LCORL: variants seen among roughly 807,000 people sequenced by gnomAD.
The protein encoded by LCORL is ligand dependent nuclear receptor corepressor like.
Under a neutral mutation model 141.8 loss-of-function variants are expected in LCORL, and 41 were observed. That is an observed-to-expected ratio of 0.29 (90% CI 0.23 to 0.38). LCORL has a LOEUF of 0.38. Ranked by LOEUF, LCORL falls within the 10% of genes least tolerant of loss-of-function variation. LCORL has a pLI of 1.00. For synonymous variants in LCORL, 618 were observed against 694.1 expected, an observed-to-expected ratio of 0.89 and a Z score of 1.72; for missense variants, 1,759 against 2,035.0, an observed-to-expected ratio of 0.86 and a Z score of 2.61.
At chr4:17,966,715 GAACTAC>G (rs1370395745) in intron 2 of LCORL, among the ~76,000 whole-genome samples, 19 of 152,240 alleles carry the variant, frequency 1.2e-4, no homozygotes, top group Admixed American at 9.8e-4. Context: ...TGTCATTAGG[GAACTAC>G]AAATTAAGGC....
chr4:17,971,950 G>A (rs1194338919), intron 2 of LCORL, among the ~76,000 whole-genome samples: 1 of 151,182 alleles, frequency 6.6e-6, no homozygotes, highest in Non-Finnish European at 1.5e-5. Context: ...AGCAGGTCAC[G>A]CCTAATAAGA....
chr4:17,874,340 G>T, exon 7 of LCORL: 1 of 1,233,892 alleles, frequency 8.1e-7, no homozygotes, highest in African/African-American at 1.5e-5. Context: ...TTCTGAAGGG[G>T]CTGGCATTAA....
At chr4:17,890,786 T>C (rs1454931597) in intron 5 of LCORL, among the ~76,000 whole-genome samples, 2 of 152,084 alleles carry the variant, frequency 1.3e-5, no homozygotes, top group Admixed American at 6.5e-5. Context: ...ATTGAAGTCA[T>C]GGCCACATTG....
Position 17,874,558 on chromosome 4 carries a change from T to A in LCORL, c.4432A>T (p.Ser1478Cys), listed in dbSNP as rs188484228. 62 of 1,233,684 alleles carry A rather than the reference T, an allele frequency of 5.0e-5. No homozygotes were observed. The East Asian group carries it at 1.5e-3, about 29-fold the overall frequency. The allele number at this position is 1,233,684 out of a possible 1,614,324, so 76.4% of individuals were successfully genotyped here. A position where few individuals can be genotyped will look rare whatever the true frequency, so the allele number is the denominator to read the frequency against. ...TCTAAAAGACAAGTTTCCAAAGGGCTTGCTACTTTGAAATGATCATTTTCA... is the reference window on the plus strand; with the variant it reads ...TCTAAAAGACAAGTTTCCAAAGGGCATGCTACTTTGAAATGATCATTTTCA... The change falls in exon 7 of 8, where the codon AGC (serine) becomes TGC (cysteine). Residue 1478 changes from serine (S) to cysteine (C), a missense_variant. Coordinates refer to ENST00000635767, the Ensembl canonical transcript of LCORL.
intron 5 of LCORL, among the ~76,000 whole-genome samples, chr4:17,891,709 C>G (rs772276218): frequency 6.6e-6 from 1 of 151,604 alleles, no homozygotes; most frequent in Non-Finnish European, 1.5e-5. Flanking sequence ...TTAAAAGGTA[C>G]GATATAAAAT....
At chr4:17,851,349 T>C (rs561374138) in intron 7 of LCORL, among the ~76,000 whole-genome samples, 118 of 152,268 alleles carry the variant, frequency 7.7e-4, no homozygotes, top group African/African-American at 2.8e-3. Flanking sequence ...GCCCCTCTTC[T>C]GGGGCAACTA....
chr4:17,923,472 C>A (rs1734616467), intron 4 of LCORL, among the ~76,000 whole-genome samples: 1 of 152,146 alleles, frequency 6.6e-6, no homozygotes, highest in South Asian at 2.1e-4. Context: ...ATGGTGAAAT[C>A]CCATCTCTAC....
intron 1 of LCORL, among the ~76,000 whole-genome samples, chr4:18,007,791 AG>A (rs1372759348): frequency 6.6e-6 from 1 of 152,184 alleles, no homozygotes; most frequent in Non-Finnish European, 1.5e-5. Flanking sequence ...AGAGGATGAA[AG>A]GATCTGTGGG....
rs748965808 is a variant in LCORL, at chr4:17,842,337, G to A, written c.*3551C>T. The A allele has an allele frequency of 8.1e-6, 13 of 1,612,190 alleles. No individual in the cohort carries two copies. In the Admixed American group the frequency reaches 2.2e-4, roughly 27 times the overall value. ...CAGAGAAAAGTGACAGTTTCAGCTA[G>A]GACGAACAGGAGGTGTCAGACTGCT... On this transcript the variant is annotated 3_prime_UTR_variant, in exon 8 of 8. Coordinates refer to ENST00000635767, the Ensembl canonical transcript of LCORL.
intron 5 of LCORL, chr4:17,893,456 T>A: frequency 6.1e-6 from 6 of 985,352 alleles, no homozygotes; most frequent in Non-Finnish European, 7.2e-6. Flanking sequence ...GCAAACAGTT[T>A]ACAGAGGATA....
At chr4:17,934,156 G>A (rs1355046264) in intron 4 of LCORL, among the ~76,000 whole-genome samples, 1 of 152,046 alleles carries the variant, frequency 6.6e-6, no homozygotes, top group African/African-American at 2.4e-5. Context: ...ATACATGACT[G>A]TGTATTTGGC....
intron 2 of LCORL, among the ~76,000 whole-genome samples, chr4:17,967,052 CTG>C (rs1217634181): frequency 6.6e-6 from 1 of 152,130 alleles, no homozygotes; most frequent in Non-Finnish European, 1.5e-5. Context: ...AATAAGCAAA[CTG>C]TGGGTACATC....
intron 5 of LCORL, among the ~76,000 whole-genome samples, chr4:17,895,096 C>CATACATGT (rs1729710654): frequency 1.3e-5 from 2 of 151,494 alleles, no homozygotes; most frequent in Non-Finnish European, 2.9e-5. Flanking sequence ...TTATGGGGTA[C>CATACATGT]ATACATGTAT....
intron 6 of LCORL, chr4:17,880,799 A>G: frequency 1.1e-6 from 1 of 916,924 alleles, no homozygotes; most frequent in Non-Finnish European, 1.3e-6. Context: ...ATTACAGTAC[A>G]TTTACAACAC....
Position 17,929,715 on chromosome 4 carries a change from T to C in LCORL, c.431-20370A>G, listed in dbSNP as rs901824869. ...GACCTTGGATTAGGCTATGATTTCTTAGATCTGACACTAAAAGCACAAACA... is the reference window on the plus strand; with the variant it reads ...GACCTTGGATTAGGCTATGATTTCTCAGATCTGACACTAAAAGCACAAACA... On this transcript the variant is annotated intron_variant, in intron 4 of 7. Coordinates refer to ENST00000635767, the Ensembl canonical transcript of LCORL. 5.3e-5 allele frequency among the ~76,000 whole-genome samples: 8 copies of C among 152,272 alleles called. No individual in the cohort carries two copies. The South Asian group carries it at 1.0e-3, about 20-fold the overall frequency.
intron 4 of LCORL, among the ~76,000 whole-genome samples, chr4:17,947,266 A>C (rs529323959): frequency 6.6e-6 from 1 of 152,110 alleles, no homozygotes; most frequent in East Asian, 1.9e-4. Context: ...ACATTATATA[A>C]AGTACAGTAA....
intron 2 of LCORL, among the ~76,000 whole-genome samples, chr4:17,972,330 T>G (rs1360722749): frequency 6.6e-6 from 1 of 151,840 alleles, no homozygotes; most frequent in African/African-American, 2.4e-5. Context: ...ACTTAGCCAT[T>G]GTTTCTTCCT....
At chr4:17,946,326 G>T (rs912313076) in intron 4 of LCORL, among the ~76,000 whole-genome samples, 1 of 151,896 alleles carries the variant, frequency 6.6e-6, no homozygotes, top group Non-Finnish European at 1.5e-5. Context: ...AAATTTGTTA[G>T]ACTGCTTTAG....
At chr4:17,912,372 C>T (rs1732705038) in intron 4 of LCORL, 2 of 654,364 alleles carry the variant, frequency 3.1e-6, no homozygotes, top group Admixed American at 1.8e-5. Context: ...GCCTACAAGC[C>T]CAGATTGCCA....
Sources: gnomAD v4.1 joint callset for allele counts (sites outside exome capture counted in the v4.1 genomes callset) on GRCh38, gnomAD v4.1.1 for gene constraint, MANE v1.5 for transcripts, NCBI Gene and HGNC (gene_info 2026-07-23, HGNC 2026-07-21) for gene names.